The following SYNE3 variants were observed in gnomAD, a reference collection of about 807,000 sequenced individuals.
SYNE3 encodes nesprin-3.
Under a neutral mutation model 111.2 loss-of-function variants are expected in SYNE3, and 100 were observed. The ratio of observed to expected loss-of-function variants is 0.90; its 90% CI spans 0.77 to 1.06. The LOEUF (loss-of-function observed/expected upper bound fraction) is 1.06, where lower values mean the gene tolerates loss of function less well. SYNE3 is among the 50% of genes least tolerant of loss of function. The pLI, the probability that SYNE3 is intolerant of heterozygous loss-of-function variation, is 0.00. For missense variants in SYNE3, 1,160 were observed against 1,240.3 expected, an observed-to-expected ratio of 0.94 and a Z score of 0.97; for synonymous variants, 547 against 533.9, an observed-to-expected ratio of 1.02 and a Z score of -0.34.
intron 8 of SYNE3, chr14:95,449,400 T>G (rs575822838): frequency 2.0e-6 from 2 of 982,510 alleles, no homozygotes; most frequent in East Asian, 2.3e-4. Flanking sequence ...GAGAGCCCTG[T>G]GCATCCGCGG....
rs200011095 is a variant in SYNE3 at position 95,436,874 on chromosome 14, G to C, written c.2484C>G (p.Ile828Met). ...QVENSKLVRI[I>M]AMRTSTAEDL... ...CCTCAGCTGTAGAAGTTCTCATTGCGATGATTCTAACCAGCTTGGAGTTTT... is the reference window on the plus strand; with the variant it reads ...CCTCAGCTGTAGAAGTTCTCATTGCCATGATTCTAACCAGCTTGGAGTTTT... Residue 828 changes from isoleucine (I) to methionine (M), a missense_variant, in exon 15 of 18, where the codon ATC becomes ATG. Transcript: ENST00000682763. 2.4e-4 allele frequency: 388 copies of C among 1,614,208 alleles called. 1 individual carries two copies. The East Asian group carries it at 7.8e-3, about 33-fold the overall frequency.
At chr14:95,471,518 C>T (rs1888527556) in intron 2 of SYNE3, among the ~76,000 whole-genome samples, 1 of 152,208 alleles carries the variant, frequency 6.6e-6, no homozygotes, top group Non-Finnish European at 1.5e-5. Flanking sequence ...AAGCCCCCTT[C>T]CCCGACCTGG....
At chr14:95,461,076 G>A (rs1535188) in intron 4 of SYNE3, among the ~76,000 whole-genome samples, 25,274 of 152,214 alleles carry the variant, frequency 0.17, 3,561 homozygotes, top group African/African-American at 0.38. Flanking sequence ...GGAGAATGAC[G>A]GGGTGACAAA....
chr14:95,468,221 C>T (rs1888315086), intron 2 of SYNE3, among the ~76,000 whole-genome samples: 1 of 152,172 alleles, frequency 6.6e-6, no homozygotes, highest in South Asian at 2.1e-4. Context: ...CCCACTCGGC[C>T]CATTTCTAGA....
intron 1 of SYNE3, among the ~76,000 whole-genome samples, chr14:95,514,959 A>T (rs1391448802): frequency 6.6e-6 from 1 of 152,228 alleles, no homozygotes; most frequent in Non-Finnish European, 1.5e-5. Context: ...AAAGCACCCG[A>T]GCAGGAGCCT....
intron 11 of SYNE3, among the ~76,000 whole-genome samples, chr14:95,440,335 T>G (rs1442740020): frequency 6.6e-6 from 1 of 152,230 alleles, no homozygotes; most frequent in African/African-American, 2.4e-5. Flanking sequence ...AAATTGGATC[T>G]CCTGTCCACC....
At chr14:95,446,179 C>T in intron 8 of SYNE3, 88 bp from the exon 9 acceptor site, 2 of 1,482,154 alleles carry the variant, frequency 1.3e-6, no homozygotes, top group South Asian at 1.2e-5. Flanking sequence ...CTGGCTGCAA[C>T]TGCTTAGGAA....
At chr14:95,430,739 G>A (rs1885712709) in intron 17 of SYNE3, among the ~76,000 whole-genome samples, 2 of 151,794 alleles carry the variant, frequency 1.3e-5, no homozygotes, top group Non-Finnish European at 2.9e-5. Flanking sequence ...CAGGAAAATT[G>A]CTTGAACCTG....
intron 4 of SYNE3, among the ~76,000 whole-genome samples, chr14:95,458,186 G>A (rs950907422): frequency 3.9e-5 from 6 of 152,110 alleles, no homozygotes; most frequent in South Asian, 2.1e-4. Flanking sequence ...CCCATATCCC[G>A]TCATGGCTCC....
intron 1 of SYNE3, among the ~76,000 whole-genome samples, chr14:95,507,935 A>C (rs1474335953): frequency 6.6e-6 from 1 of 152,356 alleles, no homozygotes; most frequent in South Asian, 2.1e-4. Context: ...TTCCTAGCCC[A>C]TGTGACACTG....
intron 17 of SYNE3, among the ~76,000 whole-genome samples, chr14:95,422,394 G>C (rs72692748): frequency 0.12 from 18,590 of 152,198 alleles, 1,267 homozygotes; most frequent in South Asian, 0.24. Context: ...CTGAGTCTGG[G>C]AGAGTACCCA....
At chr14:95,497,176 G>A (rs1446034393) in intron 1 of SYNE3, among the ~76,000 whole-genome samples, 1 of 152,228 alleles carries the variant, frequency 6.6e-6, no homozygotes. Flanking sequence ...ATTCACAAAG[G>A]CCTGCTTTTC....
chr14:95,465,028 A>C (rs1423611463), intron 4 of SYNE3, among the ~76,000 whole-genome samples: 2 of 152,262 alleles, frequency 1.3e-5, no homozygotes, highest in Non-Finnish European at 2.9e-5. Flanking sequence ...ATTTCTAACA[A>C]ATGTAATTGA....
intron 17 of SYNE3, among the ~76,000 whole-genome samples, chr14:95,423,398 A>G (rs1276739323): frequency 6.6e-6 from 1 of 152,202 alleles, no homozygotes; most frequent in Non-Finnish European, 1.5e-5. Flanking sequence ...CCTAGGATGG[A>G]GACCAAGGTC....
chr14:95,504,931 G>C (rs1374476960), intron 1 of SYNE3, among the ~76,000 whole-genome samples: 1 of 152,270 alleles, frequency 6.6e-6, no homozygotes, highest in Non-Finnish European at 1.5e-5. Context: ...GGGGCCAATG[G>C]ACACAAGTGG....
At chr14:95,463,444 A>G (rs1887967767) in intron 4 of SYNE3, among the ~76,000 whole-genome samples, 1 of 152,204 alleles carries the variant, frequency 6.6e-6, no homozygotes, top group Non-Finnish European at 1.5e-5. Flanking sequence ...ATACATGCAA[A>G]CCTGCACACA....
chr14:95,445,215 C>A (rs756939362), intron 9 of SYNE3, among the ~76,000 whole-genome samples: 1 of 152,202 alleles, frequency 6.6e-6, no homozygotes. Context: ...GGAACATGCA[C>A]GGGAGCTGAA....
At position 95,466,248 on chromosome 14, in the gene SYNE3, C is replaced by A; in HGVS notation, c.318-8G>T. On this transcript the variant is annotated splice_region_variant and splice_polypyrimidine_tract_variant and intron_variant, in intron 3 of 17. Transcript: ENST00000682763. ...CACACCCACTCGATGCGGCTGTGGG[C>A]ACAGAGACCTCAAGGTTGTGAGGGA... 6.4e-7 allele frequency: 1 copy of A among 1,554,084 alleles called. No homozygotes were observed. The highest frequency in any genetic ancestry group is 8.7e-7 in the Non-Finnish European group (1 of 1,143,142).
chr14:95,435,830 C>A (rs922422093), intron 15 of SYNE3, among the ~76,000 whole-genome samples: 1 of 152,108 alleles, frequency 6.6e-6, no homozygotes, highest in Non-Finnish European at 1.5e-5. Flanking sequence ...GAAAGGTTTT[C>A]ATTAGGGGGA....
Sources: allele counts gnomAD v4.1 joint callset (sites outside exome capture counted in the v4.1 genomes callset), GRCh38; gene constraint gnomAD v4.1.1; transcripts MANE v1.5; gene names NCBI Gene and HGNC (gene_info 2026-07-23, HGNC 2026-07-21).